Variants in PPARG observed in about 807,000 individuals in gnomAD.
PPARG encodes the protein peroxisome proliferator activated receptor gamma.
In PPARG, 17 loss-of-function variants were observed where a neutral mutation model predicts 39.2. The ratio of observed to expected loss-of-function variants is 0.43; its 90% CI spans 0.30 to 0.65. The LOEUF is 0.65. Among genes scored for constraint, PPARG ranks in the 30% least tolerant of loss-of-function variants. The probability of loss-of-function intolerance (pLI) is 0.13; values close to 1 mark genes in which losing one functional copy is unlikely to be tolerated. For synonymous variants in PPARG, 223 were observed against 215.7 expected (o/e 1.03, Z -0.30); for missense variants, 406 against 585.9 (o/e 0.69, Z 3.17).
intron 1 of PPARG, among the ~76,000 whole-genome samples, chr3:12,292,977 G>A (rs2046686122): frequency 6.6e-6 from 1 of 152,244 alleles, no homozygotes; most frequent in Non-Finnish European, 1.5e-5. Flanking sequence ...AAAGGCTCAT[G>A]CTGGTGCGTG....
intron 7 of PPARG, 39 bp from the exon 8 acceptor site, chr3:12,433,859 C>T (rs2051757750): frequency 6.2e-7 from 1 of 1,612,878 alleles, no homozygotes; most frequent in Admixed American, 1.7e-5. Context: ...GATTTTTTGA[C>T]TGAACCCCCT....
In PPARG at chr3:12,345,253, C is replaced by G. The variant is rs561129288; in HGVS notation, c.-9+32800C>G. Among the ~76,000 whole-genome samples the G allele has an allele frequency of 3.3e-5, 5 of 152,238 alleles. No individual in the cohort carries two copies. The South Asian group carries it at 1.0e-3, about 32-fold the overall frequency. On this transcript the variant is annotated intron_variant, in intron 2 of 7. Transcript: ENST00000651735. ...TCTGTGAATGAGGCAAGAGAACATT[C>G]GTCAGCAAAATGACTCCGTGAACTG...
At chr3:12,430,364 A>G (rs36073622) in intron 7 of PPARG, among the ~76,000 whole-genome samples, 2,764 of 152,318 alleles carry the variant, frequency 0.018, 64 homozygotes, top group East Asian at 0.11. Flanking sequence ...CTGCCCTCTG[A>G]TACCTCACGG....
chr3:12,368,032 C>T (rs2049073657), intron 2 of PPARG, among the ~76,000 whole-genome samples: 1 of 151,942 alleles, frequency 6.6e-6, no homozygotes, highest in Non-Finnish European at 1.5e-5. Context: ...AATCTCAAAG[C>T]TATCAATGGG....
chr3:12,404,581 A>C (rs1400781171), intron 5 of PPARG, among the ~76,000 whole-genome samples: 1 of 152,182 alleles, frequency 6.6e-6, no homozygotes, highest in Non-Finnish European at 1.5e-5. Flanking sequence ...AGGTGGGTGA[A>C]TCACTTGAGG....
chr3:12,331,093 G>A (rs2047845096), intron 2 of PPARG, among the ~76,000 whole-genome samples: 1 of 152,162 alleles, frequency 6.6e-6, no homozygotes, highest in South Asian at 2.1e-4. Context: ...ATCTTTGGAA[G>A]CTTTTCTCAG....
At chr3:12,288,520 CT>C (rs948038742), upstream of PPARG, among the ~76,000 whole-genome samples, 11 of 152,108 alleles carry the variant, frequency 7.2e-5, no homozygotes, top group South Asian at 2.3e-3. Flanking sequence ...TCCGGGGGAA[CT>C]TTGGAGCAGG....
chr3:12,308,884 A>C (rs2047150356), intron 1 of PPARG, among the ~76,000 whole-genome samples: 1 of 152,262 alleles, frequency 6.6e-6, no homozygotes, highest in Admixed American at 6.5e-5. Context: ...GGTAGGTGAC[A>C]AAAACCACAG....
rs572332526 is a variant in PPARG at position 12,355,059 on chromosome 3, C to G, written c.-8-24645C>G. Among the ~76,000 whole-genome samples the G allele has an allele frequency of 2.0e-5, 3 of 152,250 alleles. No individual in the cohort carries two copies. In the South Asian group the frequency reaches 6.2e-4, roughly 31 times the overall value. On this transcript the variant is annotated intron_variant, in intron 2 of 7. Transcript: ENST00000651735. ...CAATTACATGTTTTCTTCTCAGAGG[C>G]ATTGAGAAACTTGGATTATAATGTT... is the stretch of plus-strand genomic sequence containing the variant.
At chr3:12,367,907 T>TA (rs1185272403) in intron 2 of PPARG, among the ~76,000 whole-genome samples, 1 of 151,404 alleles carries the variant, frequency 6.6e-6, no homozygotes, top group African/African-American at 2.4e-5. Context: ...TAAAATATAA[T>TA]AAAAAACATG....
intron 2 of PPARG, among the ~76,000 whole-genome samples, chr3:12,354,607 G>A (rs1332789474): frequency 6.6e-6 from 1 of 151,924 alleles, no homozygotes; most frequent in Non-Finnish European, 1.5e-5. Context: ...CAAAAAATTA[G>A]CCAGGCGTGG....
chr3:12,363,449 C>T (rs1559508432), intron 2 of PPARG, among the ~76,000 whole-genome samples: 1 of 152,058 alleles, frequency 6.6e-6, no homozygotes, highest in Non-Finnish European at 1.5e-5. Context: ...GAGTGCTTGA[C>T]ACAGTAAGTT....
At chr3:12,383,954 G>A (rs540003106) in intron 4 of PPARG, among the ~76,000 whole-genome samples, 1 of 152,184 alleles carries the variant, frequency 6.6e-6, no homozygotes, top group South Asian at 2.1e-4. Context: ...GACTCTAGGG[G>A]AGTCCTTAAC....
At chr3:12,288,173 G>A (rs1015155567), upstream of PPARG, among the ~76,000 whole-genome samples, 3 of 152,006 alleles carry the variant, frequency 2.0e-5, no homozygotes, top group Admixed American at 1.3e-4. Context: ...GAGAGCTGGG[G>A]AGAAGGGGGT....
chr3:12,429,132 T>A lies in PPARG; in HGVS notation c.1181-4766T>A, dbSNP rs570139620. On this transcript the variant is annotated intron_variant, in intron 7 of 7. Coordinates refer to ENST00000651735, the MANE Select transcript of PPARG (RefSeq NM_138711.6). ...CAATGGGACTGATCTGTAAATGATCTAACTTGTCATTGCAGAAAATATACT... is the reference window on the plus strand; with the variant it reads ...CAATGGGACTGATCTGTAAATGATCAAACTTGTCATTGCAGAAAATATACT... Among the ~76,000 whole-genome samples, 5 of 152,184 alleles carry A rather than the reference T, an allele frequency of 3.3e-5. No individual in the cohort carries two copies. The South Asian group carries it at 1.0e-3, about 32-fold the overall frequency.
At chr3:12,391,307 A>G (rs1043706638) in intron 4 of PPARG, among the ~76,000 whole-genome samples, 2 of 152,170 alleles carry the variant, frequency 1.3e-5, no homozygotes, top group African/African-American at 4.8e-5. Context: ...TGTGTTAGAA[A>G]GTCATAAGTG....
At chr3:12,380,317 A>C (rs950132246) in intron 3 of PPARG, among the ~76,000 whole-genome samples, 1 of 152,154 alleles carries the variant, frequency 6.6e-6, no homozygotes, top group Admixed American at 6.5e-5. Context: ...TGTATTATAT[A>C]ACTTATCTTC....
intron 2 of PPARG, among the ~76,000 whole-genome samples, chr3:12,325,844 A>C (rs879697532): frequency 6.6e-6 from 1 of 152,180 alleles, no homozygotes; most frequent in Non-Finnish European, 1.5e-5. Context: ...CTGACAGTGG[A>C]AATCATAGGA....
Position 12,417,114 on chromosome 3 carries a change from C to A in PPARG, c.1140C>A (p.Ser380Arg), listed in dbSNP as rs148844673. 24 of 1,613,896 alleles carry A rather than the reference C, an allele frequency of 1.5e-5. No individual in the cohort carries two copies. The highest frequency in any genetic ancestry group is 6.7e-5 in the Admixed American group (4 of 59,996). Residue 380 changes from serine (S) to arginine (R), a missense_variant, in exon 7 of 8, where the codon AGC becomes AGA. Ser to Arg is a moderately radical substitution (Grantham distance 110, BLOSUM62 -1). Transcript: ENST00000651735. ...TCAATGCACTGGAATTAGATGACAGCGACTTGGCAATATTTATTGCTGTCA... is the reference window on the plus strand; with the variant it reads ...TCAATGCACTGGAATTAGATGACAGAGACTTGGCAATATTTATTGCTGTCA... ...VKFNALELDD[S>R]DLAIFIAVII...
Sources: allele counts gnomAD v4.1 joint callset (sites outside exome capture counted in the v4.1 genomes callset), GRCh38; gene constraint gnomAD v4.1.1; transcripts MANE v1.5; gene names NCBI Gene and HGNC (gene_info 2026-07-23, HGNC 2026-07-21).